PRKAB2: variants seen among roughly 807,000 people sequenced by gnomAD.
The protein encoded by PRKAB2 is protein kinase AMP-activated non-catalytic subunit beta 2.
Under a neutral mutation model 29.8 loss-of-function variants are expected in PRKAB2, and 18 were observed. The observed-to-expected ratio is 0.60, with a 90% CI of 0.42 to 0.89. PRKAB2 has a LOEUF of 0.89. Ranked by LOEUF, PRKAB2 falls within the 40% of genes least tolerant of loss-of-function variation. PRKAB2 has a pLI of 0.00. For synonymous variants in PRKAB2, 136 were observed against 125.9 expected (o/e 1.08, Z -0.54); for missense variants, 270 against 344.3 (o/e 0.78, Z 1.71).
At chr1:147,163,447 T>C (rs192947874) in intron 5 of PRKAB2, among the ~76,000 whole-genome samples, 34 of 152,334 alleles carry the variant, frequency 2.2e-4, no homozygotes, top group Non-Finnish European at 4.4e-4. Flanking sequence ...ACAATCAAGA[T>C]GTCTATCAAC....
rs1354504910 is a variant in PRKAB2 at position 147,155,405 on chromosome 1, C to A, written c.*4160G>T. Reference sequence around the variant, plus strand: ...CACAGAGCTGCACTCATTCGAAATGCTGCCGTGTAATACCAACCAACATGC... The same window carrying A: ...CACAGAGCTGCACTCATTCGAAATGATGCCGTGTAATACCAACCAACATGC... On this transcript the variant is annotated 3_prime_UTR_variant, in exon 8 of 8. Transcript: ENST00000254101. 1 of 152,564 alleles carries A rather than the reference C, an allele frequency of 6.6e-6. No homozygotes were observed. Among genetic ancestry groups the A allele is most frequent in the African/African-American group, 2.4e-5 (1 of 41,442 alleles). The allele number at this position is 152,564 out of a possible 1,614,324, so 9.5% of individuals were successfully genotyped here. A position where few individuals can be genotyped will look rare whatever the true frequency, so the allele number is the denominator to read the frequency against.
intron 1 of PRKAB2, 99 bp from the exon 2 acceptor site, chr1:147,172,266 C>T (rs2101639699): frequency 7.5e-7 from 1 of 1,333,064 alleles, no homozygotes; most frequent in South Asian, 1.5e-5. Flanking sequence ...GCAAGGGATT[C>T]CCCGCCCCAG....
rs768913771 is a variant in PRKAB2 at position 147,159,185 on chromosome 1, A to C, written c.*380T>G. ...GGAGAGCCAAGGTAGCAGTGATAGA[A>C]TCTCCACCCAACAAGGATCCTAAGA... On this transcript the variant is annotated 3_prime_UTR_variant, in exon 8 of 8. Coordinates refer to ENST00000254101, the MANE Select transcript of PRKAB2 (RefSeq NM_005399.5). 1.1e-5 allele frequency: 2 copies of C among 188,478 alleles called. No homozygotes were observed. Among genetic ancestry groups the C allele is most frequent in the Admixed American group, 5.3e-5 (1 of 18,722 alleles). The allele number at this position is 188,478 out of a possible 1,614,324, so 11.7% of individuals were successfully genotyped here.
chr1:147,155,317 T>C lies in PRKAB2; in HGVS notation c.*4248A>G, dbSNP rs1383685878. The stretch of plus-strand genomic sequence containing the variant: ...GCATTAAAGGTTACAAAAAGCACCA[T>C]TAAAAAGAGGACTCACATATTTAAT... On this transcript the variant is annotated 3_prime_UTR_variant, in exon 8 of 8. Coordinates refer to ENST00000254101, the MANE Select transcript of PRKAB2 (RefSeq NM_005399.5). 6.6e-6 allele frequency: 1 copy of C among 152,668 alleles called. No homozygotes were observed. The highest frequency in any genetic ancestry group is 1.5e-5 in the Non-Finnish European group (1 of 67,998). 9.5% of individuals were successfully genotyped at this position (152,668 alleles called of 1,614,324 possible).
chr1:147,168,594 C>A (rs1654364484), intron 2 of PRKAB2, among the ~76,000 whole-genome samples: 1 of 152,190 alleles, frequency 6.6e-6, no homozygotes, highest in South Asian at 2.1e-4. Flanking sequence ...AATTCTAGAA[C>A]CTCAAGAAGC....
Position 147,155,335 on chromosome 1 carries a change from T to C in PRKAB2, c.*4230A>G, listed in dbSNP as rs782150518. On this transcript the variant is annotated 3_prime_UTR_variant, in exon 8 of 8. Coordinates refer to ENST00000254101, the MANE Select transcript of PRKAB2 (RefSeq NM_005399.5). ...AGCACCATTAAAAAGAGGACTCACA[T>C]ATTTAATTCCCTTCAAAGTAGTCTT... is the stretch of plus-strand genomic sequence containing the variant. 6.6e-6 allele frequency: 1 copy of C among 152,586 alleles called. No homozygotes were observed. The highest frequency in any genetic ancestry group is 6.6e-5 in the Admixed American group (1 of 15,258). 9.5% of individuals were successfully genotyped at this position (152,586 alleles called of 1,614,324 possible).
chr1:147,161,711 C>T lies in PRKAB2; in HGVS notation c.741+1G>A. 6.2e-7 allele frequency: 1 copy of T among 1,611,142 alleles called. No homozygotes were observed. Among genetic ancestry groups the T allele is most frequent in the Non-Finnish European group, 8.5e-7 (1 of 1,177,528 alleles). On this transcript the variant is annotated splice_donor_variant, in intron 7 of 7. Coordinates refer to ENST00000254101, the MANE Select transcript of PRKAB2 (RefSeq NM_005399.5). LOFTEE classifies it high-confidence loss of function. Reference sequence around the variant, plus strand: ...TGTGAAGAGCCAGGGCCACCACTTACCTTAATGGACAATGCATAGAGATGG... The same window carrying T: ...TGTGAAGAGCCAGGGCCACCACTTATCTTAATGGACAATGCATAGAGATGG...
In PRKAB2 at chr1:147,171,996, T is replaced by C. The variant is rs781923727; in HGVS notation, c.149A>G (p.Asp50Gly). 1 of 1,601,098 alleles carries C rather than the reference T, an allele frequency of 6.2e-7. No individual in the cohort carries two copies. Among genetic ancestry groups the C allele is most frequent in the Non-Finnish European group, 8.5e-7 (1 of 1,174,640 alleles). The change falls in exon 2 of 8, where the codon GAC becomes GGC. Residue 50 changes from aspartate (D) to glycine (G), a missense_variant. By Grantham distance (94) the Asp-to-Gly change is moderately conservative. Coordinates refer to ENST00000254101, the MANE Select transcript of PRKAB2 (RefSeq NM_005399.5). ...TDDPSVFSLP[D>G]SKLPGDKEFV... ...CGGGCATGGGACGCTTACCTTGGAG[T>C]CAGGGAGGCTGAACACGCTGGGGTC...
In PRKAB2 at chr1:147,171,972, G is replaced by T. The variant is rs781938357; in HGVS notation, c.156+17C>A. The T allele has an allele frequency of 6.3e-7, 1 of 1,595,520 alleles. No homozygotes were observed. The highest frequency in any genetic ancestry group is 8.5e-7 in the Non-Finnish European group (1 of 1,171,838). ...CCGCTGCAGTACTGACACCAACTGC[G>T]GGCATGGGACGCTTACCTTGGAGTC... On this transcript the variant is annotated intron_variant, in intron 2 of 7. Transcript: ENST00000254101.
At chr1:147,169,887 G>A (rs1654432444) in intron 2 of PRKAB2, among the ~76,000 whole-genome samples, 1 of 152,208 alleles carries the variant, frequency 6.6e-6, no homozygotes, top group Non-Finnish European at 1.5e-5. Context: ...AAAAAGGCAG[G>A]CATTCAAAGC....
intron 2 of PRKAB2, among the ~76,000 whole-genome samples, chr1:147,170,722 GGCATGCACCAGC>G (rs1553914250): frequency 6.6e-6 from 1 of 152,102 alleles, no homozygotes; most frequent in East Asian, 1.9e-4. Context: ...TGGGACTACA[GGCATGCACCAGC>G]ATGCCCGGCT....
intron 2 of PRKAB2, among the ~76,000 whole-genome samples, chr1:147,171,645 T>C (rs782790718): frequency 1.3e-5 from 2 of 152,142 alleles, no homozygotes; most frequent in Non-Finnish European, 1.5e-5. Context: ...CCCTCTGAAG[T>C]TGTCCACCAG....
At chr1:147,161,676 C>T (rs782800397) in intron 7 of PRKAB2, 36 bp downstream of exon 7, 3 of 1,546,758 alleles carry the variant, frequency 1.9e-6, no homozygotes, top group South Asian at 1.1e-5. Flanking sequence ...CCTCTCATTC[C>T]AGGGAGCTCT....
At chr1:147,166,447 A>G in intron 5 of PRKAB2, 51 bp downstream of exon 5, 2 of 1,585,082 alleles carry the variant, frequency 1.3e-6, no homozygotes, top group Non-Finnish European at 1.7e-6. Flanking sequence ...AACTTTTAGG[A>G]AGGAACTACA....
In PRKAB2 at chr1:147,158,506, A is replaced by G. The variant is rs1481011968; in HGVS notation, c.*1059T>C. The G allele has an allele frequency of 6.6e-6, 1 of 152,134 alleles. No individual in the cohort carries two copies. Among genetic ancestry groups the G allele is most frequent in the Admixed American group, 6.6e-5 (1 of 15,262 alleles). 9.4% of individuals were successfully genotyped at this position (152,134 alleles called of 1,614,324 possible). A position where few individuals can be genotyped will look rare whatever the true frequency, so the allele number is the denominator to read the frequency against. ...GAGAAGAAAATCTCTTTGAAGAAGC[A>G]TTTATCAAAAGCCTGAAATTCTCCA... On this transcript the variant is annotated 3_prime_UTR_variant, in exon 8 of 8. Transcript: ENST00000254101.
At chr1:147,161,681 A>C in intron 7 of PRKAB2, 31 bp downstream of exon 7, 1 of 1,559,032 alleles carries the variant, frequency 6.4e-7, no homozygotes, top group Non-Finnish European at 8.8e-7. Flanking sequence ...CATTCCAGGG[A>C]GCTCTGTGAA....
intron 5 of PRKAB2, among the ~76,000 whole-genome samples, chr1:147,164,352 C>T (rs940628537): frequency 2.0e-5 from 3 of 152,058 alleles, no homozygotes; most frequent in African/African-American, 7.2e-5. Flanking sequence ...CACGAAGAAA[C>T]GACAAATGTT....
chr1:147,170,731 C>T (rs1359654731), intron 2 of PRKAB2, among the ~76,000 whole-genome samples: 2 of 152,220 alleles, frequency 1.3e-5, no homozygotes, highest in East Asian at 1.9e-4. Context: ...AGGCATGCAC[C>T]AGCATGCCCG....
At chr1:147,164,609 T>C (rs1654142587) in intron 5 of PRKAB2, among the ~76,000 whole-genome samples, 1 of 152,194 alleles carries the variant, frequency 6.6e-6, no homozygotes, top group African/African-American at 2.4e-5. Context: ...CAAAATACCC[T>C]TGGGAAGTGC....
Sources: gnomAD v4.1 joint callset for allele counts (sites outside exome capture counted in the v4.1 genomes callset) on GRCh38, gnomAD v4.1.1 for gene constraint, MANE v1.5 for transcripts, NCBI Gene and HGNC (gene_info 2026-07-23, HGNC 2026-07-21) for gene names.